Variants in PHF2 observed in about 807,000 individuals in gnomAD.
PHF2 encodes PHD finger protein 2, also known as lysine-specific demethylase PHF2.
Under a neutral mutation model 120.5 loss-of-function variants are expected in PHF2, and 27 were observed. The ratio of observed to expected loss-of-function variants is 0.22; its 90% CI spans 0.17 to 0.31. The LOEUF (loss-of-function observed/expected upper bound fraction) is 0.31, where lower values mean the gene tolerates loss of function less well. Among genes scored for constraint, PHF2 ranks in the 10% least tolerant of loss-of-function variants. PHF2 has a pLI of 1.00. For synonymous variants in PHF2, 568 were observed against 592.5 expected, an observed-to-expected ratio of 0.96 and a Z score of 0.60; for missense variants, 1,024 against 1,434.8, an observed-to-expected ratio of 0.71 and a Z score of 4.63.
At chr9:93,614,810 T>C (rs1390041926) in intron 1 of PHF2, among the ~76,000 whole-genome samples, 6 of 151,868 alleles carry the variant, frequency 4.0e-5, no homozygotes, top group South Asian at 2.1e-4. Flanking sequence ...GTAATGATAG[T>C]GATGGTGGTG....
chr9:93,596,737 T>C (rs1296583301), intron 1 of PHF2, among the ~76,000 whole-genome samples: 1 of 132,034 alleles, frequency 7.6e-6, no homozygotes, highest in East Asian at 2.3e-4. Flanking sequence ...CATGCCTCAG[T>C]GTTTCTGCCG....
intron 1 of PHF2, among the ~76,000 whole-genome samples, chr9:93,582,831 A>G (rs1482727311): frequency 3.3e-5 from 5 of 152,210 alleles, no homozygotes; most frequent in African/African-American, 1.2e-4. Context: ...TAATTGCCAG[A>G]ATGTTTGCTT....
rs138965661 is a variant in PHF2 at position 93,634,521 on chromosome 9, A to T, written c.185-1890A>T. 6.8e-3 allele frequency among the ~76,000 whole-genome samples: 1,041 copies of T among 152,284 alleles called. 22 individuals are homozygous for T. The highest frequency in any genetic ancestry group is 0.024 in the African/African-American group (1,002 of 41,536). ...TTGCACGGAGCCAAGATACTCAGTG[A>T]GTGCTTGCAAACTGCAACAGGAGGG... is the stretch of plus-strand genomic sequence containing the variant. On this transcript the variant is annotated intron_variant, in intron 2 of 21. Coordinates refer to ENST00000359246, the MANE Select transcript of PHF2 (RefSeq NM_005392.4).
chr9:93,658,979 T>C (rs1246552514), intron 10 of PHF2, among the ~76,000 whole-genome samples: 1 of 152,214 alleles, frequency 6.6e-6, no homozygotes, highest in Non-Finnish European at 1.5e-5. Flanking sequence ...AGAGGTACTA[T>C]GCCCACTCTT....
intron 1 of PHF2, among the ~76,000 whole-genome samples, chr9:93,578,779 G>C (rs139020114): frequency 2.5e-4 from 38 of 152,230 alleles, no homozygotes; most frequent in African/African-American, 8.9e-4. Flanking sequence ...TTGCTGTATT[G>C]GCCCATGCAA....
intron 12 of PHF2, among the ~76,000 whole-genome samples, chr9:93,662,473 G>A (rs1251256653): frequency 6.6e-6 from 1 of 151,210 alleles, no homozygotes; most frequent in African/African-American, 2.4e-5. Context: ...ATAAATGGAT[G>A]AGTGGATGGA....
intron 1 of PHF2, among the ~76,000 whole-genome samples, chr9:93,607,846 A>G (rs1248350012): frequency 6.6e-6 from 1 of 152,050 alleles, no homozygotes; most frequent in African/African-American, 2.4e-5. Context: ...GTATTCCTGC[A>G]TCCTTGCTAT....
chr9:93,611,150 C>G (rs1434854290), intron 1 of PHF2, among the ~76,000 whole-genome samples: 1 of 151,982 alleles, frequency 6.6e-6, no homozygotes, highest in African/African-American at 2.4e-5. Context: ...TGCGGTGGCT[C>G]AACGCCTGTA....
In PHF2 at chr9:93,677,786, C is replaced by A. The variant is rs1370343529; in HGVS notation, c.*110C>A. The A allele has an allele frequency of 1.3e-6, 1 of 746,012 alleles. No homozygotes were observed. The highest frequency in any genetic ancestry group is 1.7e-5 in the South Asian group (1 of 58,394). The allele number at this position is 746,012 out of a possible 1,614,324, so 46.2% of individuals were successfully genotyped here. A position where few individuals can be genotyped will look rare whatever the true frequency, so the allele number is the denominator to read the frequency against. On this transcript the variant is annotated 3_prime_UTR_variant, in exon 22 of 22. Transcript: ENST00000359246. The surrounding 1 kb of genome is among the most constrained non-coding windows in gnomAD (Gnocchi z 4.4). ...TGCCTCACCAGGGAGGGCCTTGCCT[C>A]TTCCCGGCTGCCATCTCCCCAACAA...
chr9:93,588,455 A>T (rs1863103431), intron 1 of PHF2, among the ~76,000 whole-genome samples: 1 of 152,122 alleles, frequency 6.6e-6, no homozygotes, highest in Non-Finnish European at 1.5e-5. Flanking sequence ...CAACGAGAAT[A>T]ACTCTCTTTG....
chr9:93,661,470 A>G (rs1312432433), intron 12 of PHF2, among the ~76,000 whole-genome samples: 1 of 152,116 alleles, frequency 6.6e-6, no homozygotes, highest in East Asian at 1.9e-4. Context: ...TGGATGAATG[A>G]ATGAATCAGT....
intron 5 of PHF2, among the ~76,000 whole-genome samples, chr9:93,650,081 C>A (rs933578365): frequency 2.1e-4 from 32 of 151,336 alleles, no homozygotes; most frequent in Non-Finnish European, 1.5e-5. Flanking sequence ...GTACTCATGA[C>A]ACATTCATAG....
intron 1 of PHF2, among the ~76,000 whole-genome samples, chr9:93,587,255 A>ACG (rs1236467690): frequency 3.5e-5 from 5 of 141,916 alleles, no homozygotes; most frequent in Non-Finnish European, 6.2e-5. Flanking sequence ...GGGATGATGG[A>ACG]AGAGCCCTGG....
chr9:93,604,555 C>T (rs1347977300), intron 1 of PHF2, among the ~76,000 whole-genome samples: 1 of 151,656 alleles, frequency 6.6e-6, no homozygotes, highest in Non-Finnish European at 1.5e-5. Flanking sequence ...AGCTCCGCCT[C>T]CCGGGTTCAC....
At position 93,674,974 on chromosome 9, in the gene PHF2, C is replaced by G. The variant is rs766009226; in HGVS notation, c.2674C>G (p.Arg892Gly). ...TGAAGACAACCCCATCTTTAAGTCC[C>G]GGTCGAAGAAAAGGAAAGGCTCAGA... Reference protein sequence around the residue: ...SDEDNPIFKSRSKKRKGSDDA... With the variant: ...SDEDNPIFKSGSKKRKGSDDA... The change falls in exon 19 of 22, where the codon CGG (arginine) becomes GGG (glycine). Residue 892 changes from arginine (R) to glycine (G), a missense_variant. By Grantham distance (125) the Arg-to-Gly change is moderately radical (BLOSUM62 -2). This residue lies in a region of PHF2 where 677 missense variants were observed against 857.4 expected (regional missense o/e 0.79). Coordinates refer to ENST00000359246, the MANE Select transcript of PHF2 (RefSeq NM_005392.4). 6.2e-7 allele frequency: 1 copy of G among 1,613,908 alleles called. No individual in the cohort carries two copies. The highest frequency in any genetic ancestry group is 8.5e-7 in the Non-Finnish European group (1 of 1,179,942).
intron 1 of PHF2, among the ~76,000 whole-genome samples, chr9:93,602,542 C>T (rs1268108993): frequency 6.6e-6 from 1 of 152,080 alleles, no homozygotes; most frequent in African/African-American, 2.4e-5. Context: ...TGTGAGCCAC[C>T]ACACCTGGCC....
intron 17 of PHF2, among the ~76,000 whole-genome samples, chr9:93,668,423 C>T (rs1243455695): frequency 6.6e-6 from 1 of 152,148 alleles, no homozygotes; most frequent in Non-Finnish European, 1.5e-5. Flanking sequence ...GCTGACACCT[C>T]AGTGACTGGC....
In PHF2 at chr9:93,663,518, A is replaced by G; in HGVS notation, c.1820A>G (p.Asn607Ser). The change falls in exon 14 of 22, where the codon AAC becomes AGC. Residue 607 changes from asparagine (N) to serine (S), a missense_variant and splice_region_variant. By Grantham distance (46) the Asn-to-Ser change is conservative (BLOSUM62 1). This residue lies in a region of PHF2 where 677 missense variants were observed against 857.4 expected (regional missense o/e 0.79). Transcript: ENST00000359246. Reference sequence around the variant, plus strand: ...GACGGCCCTGGTCTTGCTTTTCAGAACAGCAAACCTGACTCCTTACTGAAG... The same window carrying G: ...GACGGCCCTGGTCTTGCTTTTCAGAGCAGCAAACCTGACTCCTTACTGAAG... ...SKSEAKWKYK[N>S]SKPDSLLKME... 6.2e-7 allele frequency: 1 copy of G among 1,606,104 alleles called. No homozygotes were observed. The highest frequency in any genetic ancestry group is 1.1e-5 in the South Asian group (1 of 90,518).
At chr9:93,661,750 G>T (rs1826570887) in intron 12 of PHF2, among the ~76,000 whole-genome samples, 1 of 151,526 alleles carries the variant, frequency 6.6e-6, no homozygotes, top group Non-Finnish European at 1.5e-5. Context: ...TAGATGGATG[G>T]ATGAGTGCAT....
Sources: gnomAD v4.1 joint callset for allele counts (sites outside exome capture counted in the v4.1 genomes callset) on GRCh38, gnomAD v4.1.1 for gene constraint, gnomAD v4.1.1 regional missense constraint, Gnocchi (gnomAD v3.1) non-coding constraint, MANE v1.5 for transcripts, NCBI Gene and HGNC (gene_info 2026-07-23, HGNC 2026-07-21) for gene names.